ITGA8: variants seen among roughly 807,000 people sequenced by gnomAD.
ITGA8 encodes the protein integrin alpha-8.
ITGA8 carries 91 observed loss-of-function variants against 142.3 expected under a neutral mutation model. The observed-to-expected ratio is 0.64, with a 90% confidence interval of 0.54 to 0.76. The LOEUF is 0.76. Ranked by LOEUF, ITGA8 falls within the 30% of genes least tolerant of loss-of-function variation. The pLI is 0.00. For synonymous variants in ITGA8, 505 were observed against 485.2 expected (o/e 1.04, Z -0.54); for missense variants, 1,406 against 1,327.7 (o/e 1.06, Z -0.92).
At chr10:15,588,430 A>C (rs1680598935) in intron 22 of ITGA8, among the ~76,000 whole-genome samples, 1 of 152,186 alleles carries the variant, frequency 6.6e-6, no homozygotes. Flanking sequence ...TTTTATTAAG[A>C]TCACATCTGG....
At chr10:15,645,513 TA>T (rs1263594945) in intron 12 of ITGA8, among the ~76,000 whole-genome samples, 1 of 152,208 alleles carries the variant, frequency 6.6e-6, no homozygotes, top group Non-Finnish European at 1.5e-5. Context: ...GCTTGTCTTT[TA>T]AAAAATTTCC....
rs116630633 is a variant in ITGA8 at position 15,713,303 on chromosome 10, T to C, written c.343+5463A>G. 5.9e-3 allele frequency among the ~76,000 whole-genome samples: 896 copies of C among 152,316 alleles called. 6 individuals are homozygous for C. The highest frequency in any genetic ancestry group is 0.02 in the African/African-American group (836 of 41,574). On this transcript the variant is annotated intron_variant, in intron 2 of 29. Coordinates refer to ENST00000378076, the MANE Select transcript of ITGA8 (RefSeq NM_003638.3). ...TGGATCAGGACTTAGCAGAGGAAGA[T>C]TTCTGCAAATATTGTGGTGTGTGCT...
intron 2 of ITGA8, among the ~76,000 whole-genome samples, chr10:15,696,825 C>T (rs867586589): frequency 2.7e-5 from 4 of 148,272 alleles, no homozygotes; most frequent in African/African-American, 1.0e-4. Flanking sequence ...CCACCGCACT[C>T]CAGCCTGGAC....
At chr10:15,684,220 T>G in intron 3 of ITGA8, 93 bp from the exon 4 acceptor site, 1 of 1,348,896 alleles carries the variant, frequency 7.4e-7, no homozygotes, top group Non-Finnish European at 1.0e-6. Flanking sequence ...AACTGTTAAA[T>G]TATTGGGTGA....
In ITGA8 at chr10:15,646,978, G is replaced by A. The variant is rs985428908; in HGVS notation, c.1075C>T (p.Gln359Ter). The A allele has an allele frequency of 6.2e-7, 1 of 1,613,964 alleles. No individual in the cohort carries two copies. Among genetic ancestry groups the A allele is most frequent in the Non-Finnish European group, 8.5e-7 (1 of 1,180,006 alleles). ...EFESNPREVG[Q>*]IYLYLQVSSL... ...CTCACTTGCAAATACAGGTAGATTT[G>A]CCCTACTTCTCTGGGGTTGCTCTCA... The change falls in exon 12 of 30, where the codon CAA (glutamine) becomes TAA (stop). Residue 359 changes from glutamine (Q) to a stop codon, truncating the protein, a stop_gained. Coordinates refer to ENST00000378076, the MANE Select transcript of ITGA8 (RefSeq NM_003638.3). LOFTEE classifies it high-confidence loss of function.
At chr10:15,638,356 G>C (rs1833809513) in intron 13 of ITGA8, among the ~76,000 whole-genome samples, 1 of 152,222 alleles carries the variant, frequency 6.6e-6, no homozygotes, top group Non-Finnish European at 1.5e-5. Flanking sequence ...CAGCCAGGTT[G>C]TGTTAAGAAT....
At chr10:15,565,987 G>A in intron 25 of ITGA8, among the ~76,000 whole-genome samples, 1 of 152,210 alleles carries the variant, frequency 6.6e-6, no homozygotes, top group East Asian at 1.9e-4. Context: ...GAAGTAACGA[G>A]CGCCTGCATT....
intron 2 of ITGA8, among the ~76,000 whole-genome samples, chr10:15,706,164 G>GACAT (rs1387896459): frequency 6.6e-6 from 1 of 152,112 alleles, no homozygotes; most frequent in Non-Finnish European, 1.5e-5. Context: ...TTTCATCTAA[G>GACAT]ACATGCTCCT....
In ITGA8 at chr10:15,514,196, G is replaced by A. The variant is rs1832923134; in HGVS notation, c.*2962C>T. On this transcript the variant is annotated 3_prime_UTR_variant, in exon 30 of 30. Coordinates refer to ENST00000378076, the MANE Select transcript of ITGA8 (RefSeq NM_003638.3). The stretch of plus-strand genomic sequence containing the variant: ...ATTTAAAAAGGGAATTCTTTGAAGA[G>A]AAATACAGATAGACCCTCAGAGGAG... 1 of 152,094 alleles carries A rather than the reference G, an allele frequency of 6.6e-6. No homozygotes were observed. Among genetic ancestry groups the A allele is most frequent in the Admixed American group, 6.6e-5 (1 of 15,264 alleles). 9.4% of individuals were successfully genotyped at this position (152,094 alleles called of 1,614,324 possible).
At chr10:15,539,405 A>G (rs1833522587) in intron 27 of ITGA8, among the ~76,000 whole-genome samples, 1 of 152,146 alleles carries the variant, frequency 6.6e-6, no homozygotes, top group Admixed American at 6.5e-5. Flanking sequence ...TAGATAAATT[A>G]TGTCAGCATT....
intron 13 of ITGA8, among the ~76,000 whole-genome samples, chr10:15,637,515 T>G (rs906583399): frequency 2.9e-4 from 42 of 142,464 alleles, no homozygotes; most frequent in African/African-American, 8.9e-4. Context: ...TTTTTTTTTT[T>G]TTTTTTTGTT....
rs869241754 is a variant in ITGA8 at position 15,556,018 on chromosome 10, C to CTTTTTTTTTTTTTT, written c.2766+2042_2766+2055dup. Among the ~76,000 whole-genome samples, 2 of 53,630 alleles carry CTTTTTTTTTTTTTT rather than the reference C, an allele frequency of 3.7e-5. 1 individual carries two copies. The highest frequency in any genetic ancestry group is 1.7e-4 in the African/African-American group (2 of 11,622). 35.2% of individuals were successfully genotyped at this position (53,630 alleles called of 152,430 possible). A position where few individuals can be genotyped will look rare whatever the true frequency, so the allele number is the denominator to read the frequency against. On this transcript the variant is annotated intron_variant, in intron 26 of 29. Coordinates refer to ENST00000378076, the MANE Select transcript of ITGA8 (RefSeq NM_003638.3). ...GTCTTCTGCCAGGGTCTCTCTCTCT[C>CTTTTTTTTTTTTTT]TTTTTTTTTTTTTTTTTTTTTTTTT... is the stretch of plus-strand genomic sequence containing the variant.
intron 2 of ITGA8, among the ~76,000 whole-genome samples, chr10:15,702,572 T>C (rs991088975): frequency 6.6e-6 from 1 of 152,178 alleles, no homozygotes; most frequent in Non-Finnish European, 1.5e-5. Context: ...ATTATAGGCG[T>C]GAGCCACCGC....
intron 3 of ITGA8, among the ~76,000 whole-genome samples, chr10:15,687,214 A>G (rs192272571): frequency 6.6e-6 from 1 of 152,296 alleles, no homozygotes; most frequent in Admixed American, 6.5e-5. Flanking sequence ...TTCTTATTAA[A>G]TCATAATTCA....
rs1454256087 is a variant in ITGA8, at chr10:15,694,503, GTATC to G, written c.344-6469_344-6466del. On this transcript the variant is annotated intron_variant, in intron 2 of 29. Transcript: ENST00000378076. ...AAATATATCTATAATATATAAAAAT[GTATC>G]TAATATATTATAGATTTATAATATA... Among the ~76,000 whole-genome samples, 4 of 132,454 alleles carry G rather than the reference GTATC, an allele frequency of 3.0e-5. No homozygotes were observed. The East Asian group carries it at 8.3e-4, about 28-fold the overall frequency. 86.9% of individuals were successfully genotyped at this position (132,454 alleles called of 152,430 possible). A position where few individuals can be genotyped will look rare whatever the true frequency, so the allele number is the denominator to read the frequency against.
At chr10:15,537,241 G>C (rs182994362) in intron 27 of ITGA8, among the ~76,000 whole-genome samples, 1 of 152,282 alleles carries the variant, frequency 6.6e-6, no homozygotes, top group Admixed American at 6.5e-5. Flanking sequence ...TTCCTGGTTT[G>C]TATGACAAAA....
intron 25 of ITGA8, among the ~76,000 whole-genome samples, chr10:15,565,881 T>G (rs1475755230): frequency 2.6e-5 from 4 of 152,046 alleles, no homozygotes; most frequent in Non-Finnish European, 5.9e-5. Flanking sequence ...TGAGCCACTG[T>G]GCCTAGCCAT....
intron 11 of ITGA8, among the ~76,000 whole-genome samples, chr10:15,652,288 C>T (rs780941442): frequency 1.1e-4 from 16 of 152,162 alleles, no homozygotes; most frequent in African/African-American, 3.6e-4. Context: ...GGGCATAAGG[C>T]GAAGCTTGGG....
chr10:15,687,816 G>A (rs1364746591), intron 3 of ITGA8, 122 bp downstream of exon 3: 9 of 622,556 alleles, frequency 1.4e-5, no homozygotes, highest in Non-Finnish European at 2.1e-5. Context: ...AATGCCAACA[G>A]CCTTATCGTT....
Sources: gnomAD v4.1 joint callset for allele counts (sites outside exome capture counted in the v4.1 genomes callset) on GRCh38, gnomAD v4.1.1 for gene constraint, MANE v1.5 for transcripts, NCBI Gene and HGNC (gene_info 2026-07-23, HGNC 2026-07-21) for gene names.